The following GRM3 variants were observed in gnomAD, a reference collection of about 807,000 sequenced individuals.
GRM3 encodes glutamate metabotropic receptor 3, also known as metabotropic glutamate receptor 3.
Under a neutral mutation model 70.5 loss-of-function variants are expected in GRM3, and 26 were observed. The observed-to-expected ratio is 0.37, with a 90% CI of 0.27 to 0.51. The LOEUF is 0.51. Among genes scored for constraint, GRM3 ranks in the 20% least tolerant of loss-of-function variants. The pLI is 0.93. For synonymous variants in GRM3, 443 were observed against 434.9 expected (o/e 1.02, Z -0.23); for missense variants, 859 against 1,123.8 (o/e 0.76, Z 3.37).
At chr7:86,813,561 A>G (rs1562872460) in intron 3 of GRM3, among the ~76,000 whole-genome samples, 1 of 151,798 alleles carries the variant, frequency 6.6e-6, no homozygotes, top group Non-Finnish European at 1.5e-5. Flanking sequence ...TTAGCATGCT[A>G]GCTTGGTTGA....
chr7:86,849,692 G>C (rs1376003008), intron 4 of GRM3, among the ~76,000 whole-genome samples: 1 of 152,104 alleles, frequency 6.6e-6, no homozygotes, highest in East Asian at 1.9e-4. Context: ...GAACTTTCAG[G>C]GTAAACAAAG....
At chr7:86,690,467 A>G (rs1160640674) in intron 1 of GRM3, among the ~76,000 whole-genome samples, 1 of 152,140 alleles carries the variant, frequency 6.6e-6, no homozygotes, top group African/African-American at 2.4e-5. Flanking sequence ...AGGTGAAGTG[A>G]GAAGATCAGT....
chr7:86,795,209 C>A (rs1390567269), intron 3 of GRM3, among the ~76,000 whole-genome samples: 1 of 151,332 alleles, frequency 6.6e-6, no homozygotes, highest in African/African-American at 2.4e-5. Flanking sequence ...ACATACAGAA[C>A]CGAAGTATAG....
chr7:86,856,887 A>G (rs185841788), intron 5 of GRM3, among the ~76,000 whole-genome samples: 43 of 152,290 alleles, frequency 2.8e-4, no homozygotes, highest in Admixed American at 2.4e-3. Flanking sequence ...CAGTGACCAC[A>G]AATATCAGAG....
intron 2 of GRM3, among the ~76,000 whole-genome samples, chr7:86,783,097 C>T (rs571979240): frequency 1.3e-5 from 2 of 152,218 alleles, no homozygotes; most frequent in South Asian, 4.2e-4. Flanking sequence ...ATTCCAGAAC[C>T]AAGCTTTTAG....
chr7:86,759,510 C>G (rs1410535262), intron 1 of GRM3, among the ~76,000 whole-genome samples: 1 of 152,022 alleles, frequency 6.6e-6, no homozygotes, highest in Non-Finnish European at 1.5e-5. Context: ...ATTATTTAAC[C>G]AACTTTTGAC....
intron 3 of GRM3, among the ~76,000 whole-genome samples, chr7:86,828,017 C>T (rs946273917): frequency 6.9e-5 from 10 of 144,004 alleles, no homozygotes; most frequent in Admixed American, 2.9e-4. Context: ...GAGGCTGAGG[C>T]GGGAGAATGG....
At chr7:86,787,732 A>G (rs1797297421) in intron 3 of GRM3, among the ~76,000 whole-genome samples, 1 of 152,184 alleles carries the variant, frequency 6.6e-6, no homozygotes, top group African/African-American at 2.4e-5. Context: ...ATGAAATGAA[A>G]CTCTTTTTCT....
Position 86,830,886 on chromosome 7 carries a change from G to T in GRM3, c.1325-7953G>T, listed in dbSNP as rs1356807743. Among the ~76,000 whole-genome samples, 6 of 152,116 alleles carry T rather than the reference G, an allele frequency of 3.9e-5. 1 individual carries two copies. In the East Asian group the frequency reaches 1.2e-3, roughly 29 times the overall value. On this transcript the variant is annotated intron_variant, in intron 3 of 5. Transcript: ENST00000361669. ...ATATGGCTGGTGTTCTTACAAAAAGGGAAAATATAAACACAGAGACACAAG... is the reference window on the plus strand; with the variant it reads ...ATATGGCTGGTGTTCTTACAAAAAGTGAAAATATAAACACAGAGACACAAG...
intron 5 of GRM3, among the ~76,000 whole-genome samples, chr7:86,852,031 A>G (rs1798764169): frequency 6.6e-6 from 1 of 152,138 alleles, no homozygotes; most frequent in Non-Finnish European, 1.5e-5. Flanking sequence ...GTCTTATTCA[A>G]TGCTCCAACC....
intron 1 of GRM3, among the ~76,000 whole-genome samples, chr7:86,735,031 G>T (rs189665167): frequency 2.0e-5 from 3 of 152,188 alleles, no homozygotes; most frequent in Admixed American, 6.5e-5. Flanking sequence ...GGCAATAAAT[G>T]GAGCAAGGAG....
At chr7:86,700,005 A>C (rs1584175763) in intron 1 of GRM3, among the ~76,000 whole-genome samples, 1 of 151,964 alleles carries the variant, frequency 6.6e-6, no homozygotes, top group Non-Finnish European at 1.5e-5. Flanking sequence ...GCTTCACAGC[A>C]TGCTCGTCTT....
intron 3 of GRM3, among the ~76,000 whole-genome samples, chr7:86,801,925 G>A (rs912478466): frequency 5.9e-5 from 9 of 151,968 alleles, no homozygotes; most frequent in African/African-American, 1.9e-4. Context: ...TAGTCCCCTT[G>A]TATAAAAAAT....
At chr7:86,688,274 T>G (rs1355732006) in intron 1 of GRM3, among the ~76,000 whole-genome samples, 4 of 151,654 alleles carry the variant, frequency 2.6e-5, no homozygotes, top group Non-Finnish European at 5.9e-5. Flanking sequence ...AGCATATGTA[T>G]GAATACATAG....
intron 3 of GRM3, among the ~76,000 whole-genome samples, chr7:86,834,600 T>TTA (rs71117524): frequency 2.0e-5 from 3 of 151,080 alleles, no homozygotes; most frequent in African/African-American, 7.4e-5. Context: ...TTTTTTTTTT[T>TTA]ATTTTCTGGT....
chr7:86,660,177 A>T (rs1793857228), intron 1 of GRM3, among the ~76,000 whole-genome samples: 1 of 152,178 alleles, frequency 6.6e-6, no homozygotes, highest in South Asian at 2.1e-4. Context: ...ACAACTTTGA[A>T]AGAATAGTAA....
chr7:86,664,430 A>T (rs1051561949), intron 1 of GRM3, among the ~76,000 whole-genome samples: 1 of 151,986 alleles, frequency 6.6e-6, no homozygotes, highest in African/African-American at 2.4e-5. Context: ...ACTCAATAAT[A>T]AGCATTTATT....
chr7:86,813,014 T>C (rs1053013659), intron 3 of GRM3, among the ~76,000 whole-genome samples: 4 of 151,782 alleles, frequency 2.6e-5, no homozygotes, highest in African/African-American at 9.7e-5. Flanking sequence ...TATAATATGA[T>C]TGAGAGAATG....
At chr7:86,801,995 A>C (rs1202020119) in intron 3 of GRM3, among the ~76,000 whole-genome samples, 1 of 152,188 alleles carries the variant, frequency 6.6e-6, no homozygotes, top group Non-Finnish European at 1.5e-5. Context: ...TTCACCCTGA[A>C]TTTAAGCTAA....
Sources: allele counts gnomAD v4.1 joint callset (sites outside exome capture counted in the v4.1 genomes callset), GRCh38; gene constraint gnomAD v4.1.1; transcripts MANE v1.5; gene names NCBI Gene and HGNC (gene_info 2026-07-23, HGNC 2026-07-21).